The following PGAP1 variants were observed in gnomAD, a reference collection of about 807,000 sequenced individuals.
PGAP1 encodes the protein GPI inositol-deacylase.
In PGAP1, 76 loss-of-function variants were observed where a neutral mutation model predicts 127.0. The ratio of observed to expected loss-of-function variants is 0.60; its 90% confidence interval spans 0.50 to 0.72. PGAP1 has a LOEUF of 0.72. Among genes scored for constraint, PGAP1 ranks in the 30% least tolerant of loss-of-function variants. The pLI, the probability that PGAP1 is intolerant of heterozygous loss-of-function variation, is 0.00. For synonymous variants in PGAP1, 362 were observed against 366.5 expected, an observed-to-expected ratio of 0.99 and a Z score of 0.14; for missense variants, 982 against 1,071.3, an observed-to-expected ratio of 0.92 and a Z score of 1.16.
intron 26 of PGAP1, among the ~76,000 whole-genome samples, chr2:196,842,015 T>C (rs1700425961): frequency 6.6e-6 from 1 of 150,726 alleles, no homozygotes; most frequent in Non-Finnish European, 1.5e-5. Flanking sequence ...CAATAAGACA[T>C]AGCTACAGAA....
intron 19 of PGAP1, among the ~76,000 whole-genome samples, chr2:196,868,015 T>C (rs976598211): frequency 6.6e-6 from 1 of 152,194 alleles, no homozygotes; most frequent in Non-Finnish European, 1.5e-5. Flanking sequence ...TTAAGCAACA[T>C]AGCAGGCTCA....
intron 24 of PGAP1, 46 bp downstream of exon 24, chr2:196,844,478 G>T: frequency 7.4e-7 from 1 of 1,352,786 alleles, no homozygotes; most frequent in South Asian, 1.4e-5. Flanking sequence ...ATTTCCCCAT[G>T]TTCTTTCATT....
chr2:196,912,830 A>C (rs1702875759), intron 4 of PGAP1, 52 bp downstream of exon 4: 2 of 1,472,064 alleles, frequency 1.4e-6, no homozygotes, highest in South Asian at 2.9e-5. Context: ...AGATTGATTT[A>C]TTTAATCTTA....
intron 20 of PGAP1, among the ~76,000 whole-genome samples, chr2:196,853,649 C>A (rs146844954): frequency 1.8e-4 from 27 of 152,200 alleles, no homozygotes; most frequent in African/African-American, 6.3e-4. Flanking sequence ...TAATAAAAAA[C>A]CTAATAAAGA....
At chr2:196,907,029 A>T (rs2125831475) in intron 4 of PGAP1, among the ~76,000 whole-genome samples, 1 of 135,692 alleles carries the variant, frequency 7.4e-6, no homozygotes, top group East Asian at 2.1e-4. Flanking sequence ...AACACTCTGC[A>T]GGATATTATC....
Position 196,836,986 on chromosome 2 carries a change from C to G in PGAP1, c.*4248G>C, listed in dbSNP as rs1323597895. On this transcript the variant is annotated 3_prime_UTR_variant, in exon 27 of 27. Coordinates refer to ENST00000354764, the MANE Select transcript of PGAP1 (RefSeq NM_024989.4). ...AACAAATGCCTAGTCATAGAAAGTC[C>G]CAACACATTTTCATTTTTCCCAAAT... 6.6e-6 allele frequency: 1 copy of G among 152,088 alleles called. No individual in the cohort carries two copies. Among genetic ancestry groups the G allele is most frequent in the African/African-American group, 2.4e-5 (1 of 41,410 alleles). 9.4% of individuals were successfully genotyped at this position (152,088 alleles called of 1,614,324 possible).
intron 12 of PGAP1, among the ~76,000 whole-genome samples, chr2:196,883,971 TCTC>T (rs756921081): frequency 1.5e-4 from 23 of 152,176 alleles, no homozygotes; most frequent in Admixed American, 3.3e-4. Context: ...AATAGCTTGT[TCTC>T]CTGCTGTTCA....
At chr2:196,866,761 A>G (rs1316285343) in intron 19 of PGAP1, among the ~76,000 whole-genome samples, 1 of 152,196 alleles carries the variant, frequency 6.6e-6, no homozygotes, top group Non-Finnish European at 1.5e-5. Context: ...TAAAGAACTT[A>G]AACAAATTCA....
intron 1 of PGAP1, chr2:196,922,640 C>T (rs1202559049): frequency 1.7e-6 from 1 of 578,890 alleles, no homozygotes; most frequent in African/African-American, 2.1e-5. Flanking sequence ...GAGAGACATC[C>T]TTTAAAATCT....
rs1479169238 is a variant in PGAP1 at position 196,836,608 on chromosome 2, C to T, written c.*4626G>A. The T allele has an allele frequency of 6.6e-6, 1 of 152,044 alleles. No homozygotes were observed. The highest frequency in any genetic ancestry group is 1.5e-5 in the Non-Finnish European group (1 of 67,960). The allele number at this position is 152,044 out of a possible 1,614,324, so 9.4% of individuals were successfully genotyped here. Reference sequence around the variant, plus strand: ...TAGCTTCACAGCTTTCCTATTTCCTCAGGCTATTAAACATATTGTGAAAGA... The same window carrying T: ...TAGCTTCACAGCTTTCCTATTTCCTTAGGCTATTAAACATATTGTGAAAGA... On this transcript the variant is annotated 3_prime_UTR_variant, in exon 27 of 27. Transcript: ENST00000354764.
chr2:196,922,464 TAAA>T (rs76844575), intron 1 of PGAP1: 87 of 928,340 alleles, frequency 9.4e-5, no homozygotes, highest in South Asian at 1.0e-4. Flanking sequence ...GGGGCTCCAT[TAAA>T]AAAAAAAAAA....
Position 196,844,480 on chromosome 2 carries a change from T to G in PGAP1, c.2337+44A>C, listed in dbSNP as rs768509731. 7.8e-5 allele frequency: 108 copies of G among 1,388,086 alleles called. No homozygotes were observed. The Admixed American group carries it at 2.3e-3, about 29-fold the overall frequency. The allele number at this position is 1,388,086 out of a possible 1,614,324, so 86.0% of individuals were successfully genotyped here. On this transcript the variant is annotated intron_variant, in intron 24 of 26. Coordinates refer to ENST00000354764, the MANE Select transcript of PGAP1 (RefSeq NM_024989.4). ...AAAAAACTCTTATATTTCCCCATGTTCTTTCATTTTAAATTTATGTAGAGT... is the reference window on the plus strand; with the variant it reads ...AAAAAACTCTTATATTTCCCCATGTGCTTTCATTTTAAATTTATGTAGAGT...
Position 196,880,173 on chromosome 2 carries a change from AACT to A in PGAP1, c.1273-23_1273-21del, listed in dbSNP as rs1370292910. The A allele has an allele frequency of 9.4e-6, 13 of 1,381,512 alleles. No individual in the cohort carries two copies. The highest frequency in any genetic ancestry group is 1.3e-5 in the Non-Finnish European group (13 of 1,013,074). The allele number at this position is 1,381,512 out of a possible 1,614,324, so 85.6% of individuals were successfully genotyped here. On this transcript the variant is annotated intron_variant, in intron 12 of 26. Coordinates refer to ENST00000354764, the MANE Select transcript of PGAP1 (RefSeq NM_024989.4). The stretch of plus-strand genomic sequence containing the variant: ...CAGATACTAAAATAAAAAAAAAAGA[AACT>A]ACTTTTATTTCTTAGAGATTAATGC...
chr2:196,859,837 T>C (rs1340864234), intron 20 of PGAP1, among the ~76,000 whole-genome samples: 2 of 151,984 alleles, frequency 1.3e-5, no homozygotes, highest in Non-Finnish European at 2.9e-5. Flanking sequence ...TATTAACAAA[T>C]TGAATATAAA....
intron 5 of PGAP1, 130 bp downstream of exon 5, chr2:196,902,455 G>T: frequency 4.7e-6 from 3 of 632,452 alleles, no homozygotes; most frequent in South Asian, 5.2e-5. Flanking sequence ...TTACACACAT[G>T]CATGCCCACA....
At chr2:196,900,627 G>A (rs115337267) in intron 5 of PGAP1, among the ~76,000 whole-genome samples, 83 of 152,214 alleles carry the variant, frequency 5.5e-4, no homozygotes, top group African/African-American at 1.9e-3. Flanking sequence ...AAGCTCCCTT[G>A]AAAGCAACAC....
chr2:196,915,077 C>A (rs934788205), intron 3 of PGAP1, among the ~76,000 whole-genome samples: 1 of 152,188 alleles, frequency 6.6e-6, no homozygotes, highest in African/African-American at 2.4e-5. Context: ...CTATCAGTAA[C>A]ATTTGACACA....
chr2:196,901,095 C>G (rs1036388268), intron 5 of PGAP1, among the ~76,000 whole-genome samples: 37 of 152,250 alleles, frequency 2.4e-4, no homozygotes, highest in African/African-American at 8.9e-4. Context: ...AGACAAGGTC[C>G]AGGAAATAAG....
At chr2:196,873,814 T>C in intron 14 of PGAP1, 56 bp from the exon 15 acceptor site, 1 of 1,157,556 alleles carries the variant, frequency 8.6e-7, no homozygotes, top group Non-Finnish European at 1.3e-6. Flanking sequence ...TTTAAAAACA[T>C]ACTGATTATT....
Sources: allele counts gnomAD v4.1 joint callset (sites outside exome capture counted in the v4.1 genomes callset), GRCh38; gene constraint gnomAD v4.1.1; transcripts MANE v1.5; gene names NCBI Gene and HGNC (gene_info 2026-07-23, HGNC 2026-07-21).